The following AMPH variants were observed in gnomAD, a reference collection of about 807,000 sequenced individuals.
AMPH encodes amphiphysin, also known as amphiphysin (Stiff-Mann syndrome with breast cancer 128kD autoantigen).
A neutral mutation model predicts 99.1 loss-of-function variants in AMPH; 49 were observed. The observed-to-expected ratio is 0.49, with a 90% CI of 0.39 to 0.63. The LOEUF (loss-of-function observed/expected upper bound fraction) is 0.63, where lower values mean the gene tolerates loss of function less well. Ranked by LOEUF, AMPH falls within the 20% of genes least tolerant of loss-of-function variation. The pLI, the probability that AMPH is intolerant of heterozygous loss-of-function variation, is 0.00. For synonymous variants in AMPH, 314 were observed against 317.3 expected, an observed-to-expected ratio of 0.99 and a Z score of 0.11; for missense variants, 759 against 863.4, an observed-to-expected ratio of 0.88 and a Z score of 1.52.
chr7:38,556,495 G>A (rs1791368591), intron 1 of AMPH, among the ~76,000 whole-genome samples: 1 of 152,274 alleles, frequency 6.6e-6, no homozygotes, highest in African/African-American at 2.4e-5. Context: ...AGATACCAGC[G>A]AAGGCCCTCA....
intron 1 of AMPH, among the ~76,000 whole-genome samples, chr7:38,557,235 G>A (rs1791398221): frequency 6.6e-6 from 1 of 152,192 alleles, no homozygotes; most frequent in Admixed American, 6.5e-5. Context: ...TTACATGAAA[G>A]TGACACAGCT....
chr7:38,440,661 A>G (rs964248117), intron 11 of AMPH, among the ~76,000 whole-genome samples: 2 of 152,218 alleles, frequency 1.3e-5, no homozygotes, highest in Admixed American at 6.5e-5. Context: ...TGAGTATATT[A>G]TCATTAGATT....
chr7:38,610,284 GAAAGAAAGAAAGA>G (rs1562860125), intron 1 of AMPH, among the ~76,000 whole-genome samples: 20 of 8,912 alleles, frequency 2.2e-3, no homozygotes, highest in African/African-American at 0.012. Context: ...AAGAAAGAAA[GAAAGAAAGAAAGA>G]AAAGAAAAGA....
intron 2 of AMPH, among the ~76,000 whole-genome samples, chr7:38,508,713 C>A (rs1345466033): frequency 6.6e-6 from 1 of 152,114 alleles, no homozygotes; most frequent in Non-Finnish European, 1.5e-5. Flanking sequence ...TATTTTTGGC[C>A]TTTGATGACA....
chr7:38,460,821 C>A (rs2392578), intron 11 of AMPH, among the ~76,000 whole-genome samples: 25,739 of 152,030 alleles, frequency 0.17, 2,567 homozygotes, highest in East Asian at 0.37. Flanking sequence ...GTCAGCAACA[C>A]TGTATTAGGT....
intron 1 of AMPH, among the ~76,000 whole-genome samples, chr7:38,612,055 A>G (rs922716841): frequency 1.3e-5 from 2 of 150,950 alleles, no homozygotes; most frequent in African/African-American, 4.9e-5. Context: ...TAAGTTCAAT[A>G]AACACTGCTA....
chr7:38,607,783 A>G (rs1224404639), intron 1 of AMPH, among the ~76,000 whole-genome samples: 1 of 152,198 alleles, frequency 6.6e-6, no homozygotes, highest in Non-Finnish European at 1.5e-5. Context: ...AGGCCACTGA[A>G]GGCACTGAAA....
intron 1 of AMPH, among the ~76,000 whole-genome samples, chr7:38,620,651 G>A (rs1794028854): frequency 6.6e-6 from 1 of 151,390 alleles, no homozygotes; most frequent in Non-Finnish European, 1.5e-5. Flanking sequence ...GACTTTTAAA[G>A]ACAAAAGCAT....
chr7:38,583,837 G>C (rs1178244203), intron 1 of AMPH, among the ~76,000 whole-genome samples: 1 of 152,212 alleles, frequency 6.6e-6, no homozygotes, highest in Non-Finnish European at 1.5e-5. Flanking sequence ...TACCCACCAA[G>C]TCCTATAATC....
chr7:38,521,003 T>C (rs1403710667), intron 2 of AMPH, among the ~76,000 whole-genome samples: 1 of 152,026 alleles, frequency 6.6e-6, no homozygotes, highest in Non-Finnish European at 1.5e-5. Context: ...TGCCAAAAAC[T>C]AAAAGGGGAA....
chr7:38,563,406 T>C (rs1791624794), intron 1 of AMPH, among the ~76,000 whole-genome samples: 1 of 152,216 alleles, frequency 6.6e-6, no homozygotes, highest in South Asian at 2.1e-4. Flanking sequence ...CTATGGTATT[T>C]GGTGAGTATT....
intron 17 of AMPH, among the ~76,000 whole-genome samples, chr7:38,403,094 A>T (rs921394098): frequency 2.6e-5 from 4 of 152,118 alleles, no homozygotes; most frequent in African/African-American, 9.7e-5. Flanking sequence ...GAGACGTCAG[A>T]AGCCAGTTCT....
intron 1 of AMPH, among the ~76,000 whole-genome samples, chr7:38,583,283 C>T (rs542740718): frequency 1.3e-3 from 191 of 152,322 alleles, no homozygotes; most frequent in Non-Finnish European, 2.3e-3. Flanking sequence ...ACCTCTGAGA[C>T]TTTATTCTTC....
At chr7:38,516,153 T>C (rs1236150379) in intron 2 of AMPH, among the ~76,000 whole-genome samples, 2 of 152,184 alleles carry the variant, frequency 1.3e-5, no homozygotes, top group Non-Finnish European at 2.9e-5. Flanking sequence ...AGAATTCAAG[T>C]TGGCTGCAGA....
intron 1 of AMPH, among the ~76,000 whole-genome samples, chr7:38,577,998 C>CT (rs1447675325): frequency 1.3e-5 from 2 of 152,200 alleles, no homozygotes; most frequent in African/African-American, 2.4e-5. Context: ...TGTGCAGGCT[C>CT]TGCTATAAGT....
intron 1 of AMPH, among the ~76,000 whole-genome samples, chr7:38,620,314 C>A (rs1278141575): frequency 6.8e-6 from 1 of 147,040 alleles, no homozygotes; most frequent in Non-Finnish European, 1.5e-5. Context: ...ACATTATATA[C>A]CAATTCATTG....
At chr7:38,573,635 T>C (rs1473706890) in intron 1 of AMPH, among the ~76,000 whole-genome samples, 2 of 152,378 alleles carry the variant, frequency 1.3e-5, no homozygotes, top group East Asian at 3.9e-4. Flanking sequence ...TGTAGTCAAA[T>C]CTATCAGCCC....
intron 1 of AMPH, among the ~76,000 whole-genome samples, chr7:38,582,018 G>C (rs543753237): frequency 6.6e-6 from 1 of 152,124 alleles, no homozygotes; most frequent in African/African-American, 2.4e-5. Context: ...CAGAAGAGAG[G>C]CTGAGGCTGG....
At chr7:38,471,989 A>G (rs1388434967) in intron 7 of AMPH, among the ~76,000 whole-genome samples, 1 of 152,186 alleles carries the variant, frequency 6.6e-6, no homozygotes, top group Non-Finnish European at 1.5e-5. Flanking sequence ...GCAAAAGCTG[A>G]CAGAAATGAA....
Sources: gnomAD v4.1 joint callset for allele counts (sites outside exome capture counted in the v4.1 genomes callset) on GRCh38, gnomAD v4.1.1 for gene constraint, MANE v1.5 for transcripts, NCBI Gene and HGNC (gene_info 2026-07-23, HGNC 2026-07-21) for gene names.